PLEKHD1: variants seen among roughly 807,000 people sequenced by gnomAD.
PLEKHD1 encodes pleckstrin homology and coiled-coil domain containing D1.
In PLEKHD1, 51 loss-of-function variants were observed where a neutral mutation model predicts 69.2. The observed-to-expected ratio is 0.74, with a 90% CI of 0.59 to 0.93. PLEKHD1 has a LOEUF of 0.93. Ranked by LOEUF, PLEKHD1 falls within the 40% of genes least tolerant of loss-of-function variation. The probability of loss-of-function intolerance (pLI) is 0.00; values close to 1 mark genes in which losing one functional copy is unlikely to be tolerated. For missense variants in PLEKHD1, 584 were observed against 641.0 expected, an observed-to-expected ratio of 0.91 and a Z score of 0.96; for synonymous variants, 236 against 244.7, an observed-to-expected ratio of 0.96 and a Z score of 0.33.
At chr14:69,521,233 C>T (rs138245945) in intron 6 of PLEKHD1, among the ~76,000 whole-genome samples, 3 of 152,276 alleles carry the variant, frequency 2.0e-5, no homozygotes, top group Admixed American at 6.5e-5. Context: ...AACCAGTGAT[C>T]CATGCCCAAA....
At chr14:69,478,818 T>C in the PLEKHD1 span, among the ~76,000 whole-genome samples, 1 of 152,198 alleles carries the variant, frequency 6.6e-6, no homozygotes, top group South Asian at 2.1e-4. Context: ...TTTCCTGTCT[T>C]CTTCTGAGCC....
At chr14:69,483,107 C>A (rs563192347), upstream of PLEKHD1, among the ~76,000 whole-genome samples, 482 of 152,204 alleles carry the variant, frequency 3.2e-3, 1 homozygote, top group Non-Finnish European at 3.6e-3. Flanking sequence ...AAGCCCCGGG[C>A]CCTGTGTTAA....
intron 6 of PLEKHD1, among the ~76,000 whole-genome samples, chr14:69,509,583 T>C (rs1467487200): frequency 6.6e-6 from 1 of 152,182 alleles, no homozygotes; most frequent in African/African-American, 2.4e-5. Flanking sequence ...AAGGTCTGTG[T>C]AGAGTCTTTT....
In PLEKHD1 at chr14:69,527,880, C is replaced by T. The variant is rs1480633005; in HGVS notation, c.1299C>T (p.Arg433=). ...SVYIHKAATR[R]IKSCRFHRRR... is the part of the protein sequence containing the mutation. ...ACATCCATAAGGCAGCCACTCGCCG[C>T]ATCAAGAGCTGCCGCTTCCACCGAC... Residue 433 remains arginine (R), a synonymous_variant, in exon 12 of 13, where the codon CGC becomes CGT. Coordinates refer to ENST00000322564, the MANE Select transcript of PLEKHD1 (RefSeq NM_001161498.2). 1 of 1,551,376 alleles carries T rather than the reference C, an allele frequency of 6.4e-7. No individual in the cohort carries two copies. The highest frequency in any genetic ancestry group is 2.4e-5 in the East Asian group (1 of 40,934).
At position 69,485,258 on chromosome 14, in the gene PLEKHD1, G is replaced by A; in HGVS notation, c.149+144G>A. 4.7e-6 allele frequency: 5 copies of A among 1,060,534 alleles called. No homozygotes were observed. In the Admixed American group the frequency reaches 1.1e-4, roughly 24 times the overall value. The allele number at this position is 1,060,534 out of a possible 1,614,324, so 65.7% of individuals were successfully genotyped here. On this transcript the variant is annotated intron_variant, in intron 1 of 12. Transcript: ENST00000322564. The stretch of plus-strand genomic sequence containing the variant: ...CCCTTTTCACTCTACACTGGCTCCC[G>A]CAGGAAAATGTGGACCATAGTCTGG...
chr14:69,494,210 A>T (rs1253894352), intron 1 of PLEKHD1, among the ~76,000 whole-genome samples: 1 of 152,226 alleles, frequency 6.6e-6, no homozygotes. Flanking sequence ...TATGAGATAT[A>T]GTTATTATTA....
rs149348064 is a variant in PLEKHD1, at chr14:69,486,615, A to G, written c.149+1501A>G. On this transcript the variant is annotated intron_variant, in intron 1 of 12. Transcript: ENST00000322564. ...ATCTTTCTTCTGCCTCAGCAGCTCC[A>G]GATAGTTAATCTTTCTTTTCTATTG... is the stretch of plus-strand genomic sequence containing the variant. 3.5e-3 allele frequency among the ~76,000 whole-genome samples: 539 copies of G among 152,296 alleles called. 2 individuals are homozygous for G. Among genetic ancestry groups the G allele is most frequent in the African/African-American group, 0.012 (514 of 41,542 alleles).
intron 7 of PLEKHD1, among the ~76,000 whole-genome samples, chr14:69,522,880 A>G (rs1028960511): frequency 1.3e-5 from 2 of 152,036 alleles, no homozygotes; most frequent in African/African-American, 2.4e-5. Context: ...CTCTCTCTAT[A>G]TATATACATG....
rs535440807 is a variant in PLEKHD1 at position 69,489,537 on chromosome 14, G to A, written c.149+4423G>A. Among the ~76,000 whole-genome samples, 23 of 116,940 alleles carry A rather than the reference G, an allele frequency of 2.0e-4. No individual in the cohort carries two copies. In the South Asian group the frequency reaches 2.5e-3, roughly 13 times the overall value. 76.7% of individuals were successfully genotyped at this position (116,940 alleles called of 152,430 possible). ...TTGAGCCACTGCACTCCAGCCTGAG[G>A]GACAGAGTGATACTCCATCTCAAAA... On this transcript the variant is annotated intron_variant, in intron 1 of 12. Transcript: ENST00000322564.
intron 7 of PLEKHD1, among the ~76,000 whole-genome samples, chr14:69,523,693 C>T (rs1057396269): frequency 6.6e-6 from 1 of 152,142 alleles, no homozygotes; most frequent in Non-Finnish European, 1.5e-5. Context: ...GGCTTGAATA[C>T]AGGGCTGAGT....
the PLEKHD1 span, among the ~76,000 whole-genome samples, chr14:69,471,958 G>A: frequency 6.6e-6 from 1 of 152,086 alleles, no homozygotes; most frequent in Non-Finnish European, 1.5e-5. Flanking sequence ...AAACCTTCTG[G>A]TGAAACGGCT....
chr14:69,509,866 A>G (rs1883232519), intron 6 of PLEKHD1, among the ~76,000 whole-genome samples: 1 of 151,924 alleles, frequency 6.6e-6, no homozygotes, highest in South Asian at 2.1e-4. Flanking sequence ...TGAACCCAGG[A>G]GGCAGAGGTT....
At chr14:69,474,317 A>G in the PLEKHD1 span, among the ~76,000 whole-genome samples, 101 of 152,286 alleles carry the variant, frequency 6.6e-4, no homozygotes, top group African/African-American at 2.4e-3. Flanking sequence ...GACCCCCACC[A>G]AATGATCTGC....
chr14:69,485,016 G>T lies in PLEKHD1; in HGVS notation c.51G>T (p.Gln17His), dbSNP rs1882622919. 6.4e-7 allele frequency: 1 copy of T among 1,551,418 alleles called. No homozygotes were observed. The highest frequency in any genetic ancestry group is 8.7e-7 in the Non-Finnish European group (1 of 1,146,904). ...TGTCGCCCTCGCCGTCCCTGGAGCA[G>T]GCTGACTCGGACGCCCTGGATATCA... The part of the protein sequence containing the change: ...NSVSPSPSLE[Q>H]ADSDALDIST... Residue 17 changes from glutamine (Q) to histidine (H), a missense_variant, in exon 1 of 13, where the codon CAG becomes CAT. Transcript: ENST00000322564.
At chr14:69,510,870 T>TTAGTA in intron 6 of PLEKHD1, among the ~76,000 whole-genome samples, 1 of 152,354 alleles carries the variant, frequency 6.6e-6, no homozygotes, top group South Asian at 2.1e-4. Flanking sequence ...TTCTCACCAT[T>TTAGTA]TAGTATGATG....
chr14:69,479,066 C>T, the PLEKHD1 span, among the ~76,000 whole-genome samples: 2 of 152,188 alleles, frequency 1.3e-5, no homozygotes, highest in Non-Finnish European at 2.9e-5. Context: ...TTCCATGTGG[C>T]TGGGGAGACC....
chr14:69,478,639 C>G, the PLEKHD1 span, among the ~76,000 whole-genome samples: 1 of 152,192 alleles, frequency 6.6e-6, no homozygotes, highest in Non-Finnish European at 1.5e-5. Flanking sequence ...CAAAATGCTA[C>G]CAGTTTCTTT....
chr14:69,506,688 T>C (rs1345347072), intron 6 of PLEKHD1, among the ~76,000 whole-genome samples: 1 of 152,198 alleles, frequency 6.6e-6, no homozygotes, highest in African/African-American at 2.4e-5. Flanking sequence ...ACCACAGTGA[T>C]ACATTTGTTA....
At chr14:69,512,028 C>T (rs1883282854) in intron 6 of PLEKHD1, among the ~76,000 whole-genome samples, 1 of 152,208 alleles carries the variant, frequency 6.6e-6, no homozygotes, top group Non-Finnish European at 1.5e-5. Flanking sequence ...GGGCCTGGTG[C>T]TTTCTGTTTT....
Sources: gnomAD v4.1 joint callset for allele counts (sites outside exome capture counted in the v4.1 genomes callset) on GRCh38, gnomAD v4.1.1 for gene constraint, MANE v1.5 for transcripts, NCBI Gene and HGNC (gene_info 2026-07-23, HGNC 2026-07-21) for gene names.